The following ELAPOR2 variants were observed in gnomAD, a reference collection of about 807,000 sequenced individuals.
The protein encoded by ELAPOR2 is endosome/lysosome-associated apoptosis and autophagy regulator family member 2.
Under a neutral mutation model 120.7 loss-of-function variants are expected in ELAPOR2, and 89 were observed. The observed-to-expected ratio is 0.74, with a 90% CI of 0.62 to 0.88. The LOEUF is 0.88. Ranked by LOEUF, ELAPOR2 falls within the 40% of genes least tolerant of loss-of-function variation. ELAPOR2 has a pLI of 0.00. For synonymous variants in ELAPOR2, 444 were observed against 444.9 expected, an observed-to-expected ratio of 1.00 and a Z score of 0.03; for missense variants, 1,134 against 1,251.6, an observed-to-expected ratio of 0.91 and a Z score of 1.42.
At chr7:86,895,432 C>T (rs976473326) in intron 19 of ELAPOR2, among the ~76,000 whole-genome samples, 4 of 151,990 alleles carry the variant, frequency 2.6e-5, no homozygotes, top group Non-Finnish European at 4.4e-5. Flanking sequence ...CAAATATTTC[C>T]AAAACTGGTA....
At position 86,940,115 on chromosome 7, in the gene ELAPOR2, C is replaced by A. The variant is rs754230729; in HGVS notation, c.742G>T (p.Val248Leu). ...TDNGEWGSHS[V>L]MLKSGTNILY... ...ATGTTTGTGCCTGATTTCAGCATTA[C>A]CTATAAAGAGAAACATAAAGGCACT... The change falls in exon 6 of 22, where the codon GTA becomes TTA. Residue 248 changes from valine (V) to leucine (L), a missense_variant and splice_region_variant. Coordinates refer to ENST00000450689, the MANE Select transcript of ELAPOR2 (RefSeq NM_001142749.3). The A allele has an allele frequency of 4.4e-6, 7 of 1,601,926 alleles. No individual in the cohort carries two copies. The highest frequency in any genetic ancestry group is 1.1e-5 in the South Asian group (1 of 90,322).
At chr7:86,943,611 G>A (rs1226757415) in intron 4 of ELAPOR2, among the ~76,000 whole-genome samples, 2 of 151,898 alleles carry the variant, frequency 1.3e-5, no homozygotes, top group Non-Finnish European at 2.9e-5. Flanking sequence ...TGCCTTAAGG[G>A]TACCTTTATT....
At chr7:87,043,849 A>G (rs1794860903) in intron 1 of ELAPOR2, among the ~76,000 whole-genome samples, 3 of 151,810 alleles carry the variant, frequency 2.0e-5, no homozygotes, top group Non-Finnish European at 4.4e-5. Context: ...ATGACTGTAT[A>G]TCTAGAAAAC....
At chr7:86,943,424 A>G (rs1790880366) in intron 4 of ELAPOR2, among the ~76,000 whole-genome samples, 2 of 152,018 alleles carry the variant, frequency 1.3e-5, no homozygotes, top group Admixed American at 1.3e-4. Flanking sequence ...TTCAATCTAC[A>G]AACACTTTCT....
chr7:87,034,008 A>T (rs1794500810), intron 1 of ELAPOR2, among the ~76,000 whole-genome samples: 1 of 152,246 alleles, frequency 6.6e-6, no homozygotes, highest in South Asian at 2.1e-4. Flanking sequence ...CATATCAAGT[A>T]CTTAATAAAA....
rs774408868 is a variant in ELAPOR2 at position 86,938,824 on chromosome 7, G to A, written c.984C>T (p.Asp328=). 1.6e-5 allele frequency: 26 copies of A among 1,612,970 alleles called. No homozygotes were observed. The highest frequency in any genetic ancestry group is 6.7e-5 in the Admixed American group (4 of 59,922). Residue 328 remains aspartate, a synonymous_variant, in exon 7 of 22, where the codon GAC becomes GAT. Transcript: ENST00000450689. ...TAGTTCTACCTGAAAATTGAGAGTC[G>A]TCTTTACACCTTATACATTCTTTGG... The part of the protein sequence containing the change: ...KGAKECIRCK[D]DSQFSEEGSS...
rs900249084 is a variant in ELAPOR2, at chr7:86,952,440, G to A, written c.311-4518C>T. Among the ~76,000 whole-genome samples the A allele has an allele frequency of 1.2e-3, 175 of 152,136 alleles. 1 individual carries two copies. The highest frequency in any genetic ancestry group is 3.5e-4 in the Non-Finnish European group (24 of 68,014). On this transcript the variant is annotated intron_variant, in intron 2 of 21. Transcript: ENST00000450689. ...AAGGTGGGGCCTCAGAGAAAATTCA[G>A]TTCAAAAAATTATTACAACCAATAC...
chr7:86,878,065 G>A lies in ELAPOR2; in HGVS notation c.*2406C>T, dbSNP rs1799237222. Reference sequence around the variant, plus strand: ...ACAGTTGACTTAATGAAGTAGTTAAGGCTTCAAAATTGTGCCTTTTAGAAA... The same window carrying A: ...ACAGTTGACTTAATGAAGTAGTTAAAGCTTCAAAATTGTGCCTTTTAGAAA... On this transcript the variant is annotated 3_prime_UTR_variant, in exon 22 of 22. Coordinates refer to ENST00000450689, the MANE Select transcript of ELAPOR2 (RefSeq NM_001142749.3). The A allele has an allele frequency of 6.6e-6, 1 of 152,226 alleles. No individual in the cohort carries two copies. Among genetic ancestry groups the A allele is most frequent in the African/African-American group, 2.4e-5 (1 of 41,544 alleles). 9.4% of individuals were successfully genotyped at this position (152,226 alleles called of 1,614,324 possible).
chr7:86,927,722 C>T lies in ELAPOR2; in HGVS notation c.1090-806G>A, dbSNP rs183213430. 3.9e-5 allele frequency among the ~76,000 whole-genome samples: 6 copies of T among 151,950 alleles called. No homozygotes were observed. The East Asian group carries it at 9.7e-4, about 25-fold the overall frequency. On this transcript the variant is annotated intron_variant, in intron 8 of 21. Transcript: ENST00000450689. The stretch of plus-strand genomic sequence containing the variant: ...AGAGATACCAAATGGGTTAGCCATT[C>T]GAAAACAAAATTGGTATGTTCAGTG...
At chr7:87,001,622 G>T (rs1290437785) in intron 1 of ELAPOR2, among the ~76,000 whole-genome samples, 1 of 152,048 alleles carries the variant, frequency 6.6e-6, no homozygotes, top group Non-Finnish European at 1.5e-5. Flanking sequence ...CATTTTAGAT[G>T]CTCAGAAGGG....
chr7:87,018,422 T>C (rs1199904924), intron 1 of ELAPOR2, among the ~76,000 whole-genome samples: 1 of 152,190 alleles, frequency 6.6e-6, no homozygotes. Context: ...ATATAACTTA[T>C]TTCCCTGACA....
At chr7:86,947,605 G>C (rs1240510284) in intron 3 of ELAPOR2, 122 bp downstream of exon 3, 1 of 837,510 alleles carries the variant, frequency 1.2e-6, no homozygotes, top group Admixed American at 2.9e-5. Flanking sequence ...ATGATTCTTT[G>C]CAATTAGCTT....
intron 1 of ELAPOR2, among the ~76,000 whole-genome samples, chr7:86,981,979 C>T (rs533439245): frequency 6.6e-6 from 1 of 152,256 alleles, no homozygotes; most frequent in Admixed American, 6.5e-5. Flanking sequence ...TCCCAATGGT[C>T]TTAGCAAACG....
At chr7:87,010,543 T>C (rs1187812819) in intron 1 of ELAPOR2, among the ~76,000 whole-genome samples, 1 of 152,234 alleles carries the variant, frequency 6.6e-6, no homozygotes, top group Admixed American at 6.5e-5. Flanking sequence ...AGAATTTCTA[T>C]TGTTTTTTAG....
chr7:86,965,993 T>C, intron 1 of ELAPOR2: 3 of 983,762 alleles, frequency 3.0e-6, no homozygotes, highest in Non-Finnish European at 3.6e-6. Context: ...TAACAATGAC[T>C]GTCCTAATTT....
intron 18 of ELAPOR2, among the ~76,000 whole-genome samples, chr7:86,902,250 C>T (rs1044559723): frequency 1.3e-5 from 2 of 152,122 alleles, no homozygotes; most frequent in Non-Finnish European, 1.5e-5. Flanking sequence ...GATCTCAGCT[C>T]ACCACAACCT....
intron 2 of ELAPOR2, 35 bp downstream of exon 2, chr7:86,964,869 T>A (rs1369082218): frequency 1.9e-6 from 3 of 1,550,312 alleles, no homozygotes; most frequent in Non-Finnish European, 2.6e-6. Context: ...AATTGTTTAA[T>A]CAAGAAAACA....
rs556666903 is a variant in ELAPOR2 at position 86,920,942 on chromosome 7, C to G, written c.1400-1632G>C. 4.6e-5 allele frequency: 7 copies of G among 152,336 alleles called. No individual in the cohort carries two copies. The East Asian group carries it at 1.4e-3, about 29-fold the overall frequency. The allele number at this position is 152,336 out of a possible 1,614,324, so 9.4% of individuals were successfully genotyped here. ...CCAGACACACCTCAGTAGAACATTC[C>G]TTGTCTTACTGTCCATTGTGAGGTA... On this transcript the variant is annotated intron_variant, in intron 10 of 21. Transcript: ENST00000450689.
intron 21 of ELAPOR2, among the ~76,000 whole-genome samples, chr7:86,890,654 A>G (rs1788104027): frequency 6.6e-6 from 1 of 151,956 alleles, no homozygotes; most frequent in South Asian, 2.1e-4. Flanking sequence ...TGTCCATGAA[A>G]CTGTAGCAGA....
Sources: gnomAD v4.1 joint callset for allele counts (sites outside exome capture counted in the v4.1 genomes callset) on GRCh38, gnomAD v4.1.1 for gene constraint, MANE v1.5 for transcripts, NCBI Gene and HGNC (gene_info 2026-07-23, HGNC 2026-07-21) for gene names.